The following XYLT1 variants were observed in gnomAD, a reference collection of about 807,000 sequenced individuals.
XYLT1 encodes xylosyltransferase 1.
In XYLT1, 36 loss-of-function variants were observed where a neutral mutation model predicts 91.3. The ratio of observed to expected loss-of-function variants is 0.39; its 90% confidence interval spans 0.30 to 0.52. The LOEUF (loss-of-function observed/expected upper bound fraction) is 0.52, where lower values mean the gene tolerates loss of function less well. Among genes scored for constraint, XYLT1 ranks in the 20% least tolerant of loss-of-function variants. The pLI, the probability that XYLT1 is intolerant of heterozygous loss-of-function variation, is 0.68. For synonymous variants in XYLT1, 588 were observed against 532.0 expected, an observed-to-expected ratio of 1.11 and a Z score of -1.45; for missense variants, 1,242 against 1,284.5, an observed-to-expected ratio of 0.97 and a Z score of 0.51.
At chr16:17,354,475 A>G (rs1167261749) in intron 2 of XYLT1, among the ~76,000 whole-genome samples, 1 of 152,210 alleles carries the variant, frequency 6.6e-6, no homozygotes, top group Non-Finnish European at 1.5e-5. Flanking sequence ...GGATGCGTGA[A>G]GGAAAGGGCC....
At chr16:17,294,928 C>A (rs1222623780) in intron 2 of XYLT1, among the ~76,000 whole-genome samples, 1 of 152,114 alleles carries the variant, frequency 6.6e-6, no homozygotes, top group Non-Finnish European at 1.5e-5. Flanking sequence ...CGAAGAATGG[C>A]AACAAAACCC....
At chr16:17,396,608 C>T (rs1040203407) in intron 1 of XYLT1, among the ~76,000 whole-genome samples, 21 of 152,166 alleles carry the variant, frequency 1.4e-4, no homozygotes, top group Non-Finnish European at 2.6e-4. Flanking sequence ...CGGTGGCTCA[C>T]GCCTATAATC....
intron 1 of XYLT1, among the ~76,000 whole-genome samples, chr16:17,392,248 C>T (rs536311922): frequency 2.0e-3 from 299 of 152,280 alleles, no homozygotes; most frequent in Non-Finnish European, 3.7e-3. Context: ...GCTCCAGCAC[C>T]GATGGCCAAA....
intron 2 of XYLT1, among the ~76,000 whole-genome samples, chr16:17,280,172 G>A (rs536086613): frequency 2.6e-5 from 4 of 152,296 alleles, no homozygotes; most frequent in South Asian, 2.1e-4. Flanking sequence ...ACAACATGGC[G>A]AAACCTCGTC....
intron 1 of XYLT1, among the ~76,000 whole-genome samples, chr16:17,412,236 C>T (rs759202285): frequency 1.9e-4 from 29 of 152,142 alleles, no homozygotes; most frequent in Admixed American, 6.5e-4. Context: ...TCACAGCCAC[C>T]GTGCAGCCCA....
chr16:17,311,431 T>C (rs1405541139), intron 2 of XYLT1, among the ~76,000 whole-genome samples: 1 of 152,146 alleles, frequency 6.6e-6, no homozygotes, highest in East Asian at 1.9e-4. Flanking sequence ...TCACCCCCAG[T>C]ATGTGATTCC....
rs114059653 is a variant in XYLT1, at chr16:17,403,195, C to T, written c.364-45145G>A. On this transcript the variant is annotated intron_variant, in intron 1 of 11. Coordinates refer to ENST00000261381, the MANE Select transcript of XYLT1 (RefSeq NM_022166.4). ...CACTCTATGGATTTTATGGGAATAC[C>T]TCCCTTTAATCCTCATATCCAGCCT... is the stretch of plus-strand genomic sequence containing the variant. Among the ~76,000 whole-genome samples the T allele has an allele frequency of 6.9e-3, 1,043 of 152,254 alleles. 10 individuals are homozygous for T. The highest frequency in any genetic ancestry group is 0.023 in the African/African-American group (956 of 41,534).
At chr16:17,109,253 ATG>A (rs1966821747) in intron 11 of XYLT1, among the ~76,000 whole-genome samples, 1 of 152,104 alleles carries the variant, frequency 6.6e-6, no homozygotes, top group Admixed American at 6.5e-5. Context: ...CATTCAACAC[ATG>A]TTTATAGCGC....
intron 2 of XYLT1, among the ~76,000 whole-genome samples, chr16:17,337,170 G>A (rs191893670): frequency 5.3e-5 from 8 of 152,228 alleles, no homozygotes; most frequent in Admixed American, 2.0e-4. Flanking sequence ...GTCTGCAAAG[G>A]TGGTAACACT....
chr16:17,366,608 C>A (rs2035457519), intron 1 of XYLT1, among the ~76,000 whole-genome samples: 1 of 152,094 alleles, frequency 6.6e-6, no homozygotes, highest in Non-Finnish European at 1.5e-5. Flanking sequence ...GGCACGAGAA[C>A]AGCTTGAACC....
In XYLT1 at chr16:17,105,927, AAAC is replaced by A. The variant is rs1301829028; in HGVS notation, c.*2765_*2767del. 2 of 152,078 alleles carry A rather than the reference AAAC, an allele frequency of 1.3e-5. No homozygotes were observed. Among genetic ancestry groups the A allele is most frequent in the Middle Eastern group, 3.2e-3 (1 of 316 alleles). 9.4% of individuals were successfully genotyped at this position (152,078 alleles called of 1,614,324 possible). A position where few individuals can be genotyped will look rare whatever the true frequency, so the allele number is the denominator to read the frequency against. ...TGTTTGGGATTTTCCTTAAAAAAAA[AAAC>A]AAAACACAAAAACACAACAAATGTA... On this transcript the variant is annotated 3_prime_UTR_variant, in exon 12 of 12. Coordinates refer to ENST00000261381, the MANE Select transcript of XYLT1 (RefSeq NM_022166.4).
intron 2 of XYLT1, among the ~76,000 whole-genome samples, chr16:17,304,312 A>G (rs2034441270): frequency 6.6e-6 from 1 of 152,190 alleles, no homozygotes; most frequent in Admixed American, 6.5e-5. Flanking sequence ...TTCTGGCTTC[A>G]GGCACAGGTA....
intron 2 of XYLT1, among the ~76,000 whole-genome samples, chr16:17,296,683 C>T (rs1262606449): frequency 6.6e-6 from 1 of 152,218 alleles, no homozygotes; most frequent in African/African-American, 2.4e-5. Context: ...CAGGGCTCAG[C>T]TGACCTCTGG....
chr16:17,459,674 T>C (rs1336323990), intron 1 of XYLT1, among the ~76,000 whole-genome samples: 2 of 152,208 alleles, frequency 1.3e-5, no homozygotes, highest in Non-Finnish European at 2.9e-5. Flanking sequence ...CTTCGCTGCA[T>C]TTGTAACAAT....
chr16:17,330,931 C>T (rs2034888157), intron 2 of XYLT1, among the ~76,000 whole-genome samples: 1 of 152,196 alleles, frequency 6.6e-6, no homozygotes, highest in South Asian at 2.1e-4. Flanking sequence ...CCTTGAATTG[C>T]TGAGATGAGG....
chr16:17,421,287 A>G (rs2036248772), intron 1 of XYLT1, among the ~76,000 whole-genome samples: 1 of 152,202 alleles, frequency 6.6e-6, no homozygotes. Flanking sequence ...CCAATTAAGG[A>G]GTGACAGACT....
chr16:17,209,460 A>T (rs546855328), intron 3 of XYLT1, among the ~76,000 whole-genome samples: 548 of 136,332 alleles, frequency 4.0e-3, no homozygotes, highest in Middle Eastern at 0.016. Context: ...TGCTCTGAAC[A>T]TGGGTGTACA....
chr16:17,226,774 C>T (rs765295210), intron 3 of XYLT1, among the ~76,000 whole-genome samples: 2 of 152,142 alleles, frequency 1.3e-5, no homozygotes, highest in African/African-American at 2.4e-5. Flanking sequence ...CAGAGTGAAA[C>T]CCTGTCTCAA....
At chr16:17,177,093 T>C (rs527475545) in intron 5 of XYLT1, among the ~76,000 whole-genome samples, 1 of 152,252 alleles carries the variant, frequency 6.6e-6, no homozygotes, top group Admixed American at 6.5e-5. Context: ...ACAGAAGCCA[T>C]GTTTTCTCCT....
Sources: gnomAD v4.1 joint callset for allele counts (sites outside exome capture counted in the v4.1 genomes callset) on GRCh38, gnomAD v4.1.1 for gene constraint, MANE v1.5 for transcripts, NCBI Gene and HGNC (gene_info 2026-07-23, HGNC 2026-07-21) for gene names.